CRADD: variants seen among roughly 807,000 people sequenced by gnomAD.
CRADD encodes CARD and death domain containing adaptor protein.
In CRADD, 9 loss-of-function variants were observed where a neutral mutation model predicts 15.5. The ratio of observed to expected loss-of-function variants is 0.58; its 90% CI spans 0.35 to 1.01. The LOEUF (loss-of-function observed/expected upper bound fraction) is 1.01, where lower values mean the gene tolerates loss of function less well. Among genes scored for constraint, CRADD ranks in the 50% least tolerant of loss-of-function variants. CRADD has a pLI of 0.02. For synonymous variants in CRADD, 118 were observed against 107.6 expected (o/e 1.10, Z -0.60); for missense variants, 227 against 250.3 (o/e 0.91, Z 0.63).
chr12:93,683,276 C>T (rs1432262499), intron 2 of CRADD, among the ~76,000 whole-genome samples: 2 of 152,216 alleles, frequency 1.3e-5, no homozygotes, highest in Non-Finnish European at 2.9e-5. Flanking sequence ...ACTGTGTTGG[C>T]CCTGGCTGTG....
At chr12:93,759,309 G>A (rs896784385) in intron 2 of CRADD, among the ~76,000 whole-genome samples, 2 of 151,866 alleles carry the variant, frequency 1.3e-5, no homozygotes, top group Admixed American at 1.3e-4. Context: ...ACCAATTTAT[G>A]GTAAAATTAT....
At chr12:93,741,596 CTG>C (rs1366544467) in intron 2 of CRADD, among the ~76,000 whole-genome samples, 2 of 152,170 alleles carry the variant, frequency 1.3e-5, no homozygotes, top group Non-Finnish European at 2.9e-5. Context: ...GGAATACACT[CTG>C]TGCTGAAGAC....
chr12:93,837,807 A>G (rs1957991807), intron 2 of CRADD: 1 of 152,242 alleles, frequency 6.6e-6, no homozygotes, highest in Admixed American at 6.5e-5. Flanking sequence ...TTTACAAAGA[A>G]GAAAGCAGTC....
chr12:93,753,887 G>C (rs1193633885), intron 2 of CRADD, among the ~76,000 whole-genome samples: 1 of 152,218 alleles, frequency 6.6e-6, no homozygotes, highest in Non-Finnish European at 1.5e-5. Context: ...CTGGGGTCTG[G>C]AGGGCGTGGC....
chr12:93,787,128 A>ATT (rs11315592), intron 2 of CRADD, among the ~76,000 whole-genome samples: 68 of 107,698 alleles, frequency 6.3e-4, no homozygotes, highest in South Asian at 1.7e-3. Context: ...TCTGCTGAAG[A>ATT]TTTTTTTTTT....
chr12:93,808,578 C>T (rs1464912274), intron 2 of CRADD, among the ~76,000 whole-genome samples: 1 of 152,056 alleles, frequency 6.6e-6, no homozygotes, highest in Non-Finnish European at 1.5e-5. Flanking sequence ...AGCACTGTGC[C>T]CACCCAGTTT....
intron 2 of CRADD, among the ~76,000 whole-genome samples, chr12:93,782,699 T>C (rs999822760): frequency 4.6e-5 from 7 of 152,144 alleles, no homozygotes; most frequent in Non-Finnish European, 8.8e-5. Flanking sequence ...ATGCCTTTTT[T>C]TTTAAACAGG....
At position 93,846,598 on chromosome 12, in the gene CRADD, A is replaced by G. The variant is rs1038805182; in HGVS notation, c.299-3372A>G. ...AAAACCAGAACACACACACACACAC[A>G]CACACACACACACACACACACACAC... On this transcript the variant is annotated intron_variant, in intron 2 of 2. Coordinates refer to ENST00000332896, the MANE Select transcript of CRADD (RefSeq NM_003805.5). 34 of 143,282 alleles carry G rather than the reference A, an allele frequency of 2.4e-4. No homozygotes were observed. In the East Asian group the frequency reaches 3.8e-3, roughly 16 times the overall value. 8.9% of individuals were successfully genotyped at this position (143,282 alleles called of 1,614,324 possible).
chr12:93,820,052 A>G (rs1386195437), intron 2 of CRADD, among the ~76,000 whole-genome samples: 5 of 152,184 alleles, frequency 3.3e-5, no homozygotes, highest in Non-Finnish European at 7.3e-5. Context: ...CCACCCAGTC[A>G]TTCAAGGTAG....
At chr12:93,734,952 T>G (rs973551499) in intron 2 of CRADD, among the ~76,000 whole-genome samples, 1 of 152,172 alleles carries the variant, frequency 6.6e-6, no homozygotes, top group South Asian at 2.1e-4. Flanking sequence ...CATATGTGCT[T>G]TCTCATAGCA....
At chr12:93,724,285 G>A (rs934302460) in intron 2 of CRADD, among the ~76,000 whole-genome samples, 8 of 151,642 alleles carry the variant, frequency 5.3e-5, no homozygotes, top group Admixed American at 3.9e-4. Flanking sequence ...AGGCTGAGGC[G>A]AGAGGATCCC....
At chr12:93,826,360 G>C (rs1166740921) in intron 2 of CRADD, among the ~76,000 whole-genome samples, 1 of 152,230 alleles carries the variant, frequency 6.6e-6, no homozygotes, top group African/African-American at 2.4e-5. Flanking sequence ...TCTTTTTGTT[G>C]TTCCAAGGGA....
intron 2 of CRADD, among the ~76,000 whole-genome samples, chr12:93,810,549 CTCAAAAAA>C (rs1957611796): frequency 3.4e-5 from 1 of 29,480 alleles, no homozygotes; most frequent in Non-Finnish European, 5.9e-5. Flanking sequence ...GCAAATCAGT[CTCAAAAAA>C]AAAAAAAAAA....
chr12:93,737,684 G>A (rs963523402), intron 2 of CRADD: 1 of 152,218 alleles, frequency 6.6e-6, no homozygotes, highest in Non-Finnish European at 1.5e-5. Flanking sequence ...GAAGAAAAGT[G>A]GAGGGTGGCC....
intron 2 of CRADD, among the ~76,000 whole-genome samples, chr12:93,805,476 A>T (rs989567080): frequency 6.6e-6 from 1 of 151,502 alleles, no homozygotes; most frequent in East Asian, 1.9e-4. Flanking sequence ...CTTTTTCTTT[A>T]TTTTTTTGAG....
rs1319661047 is a variant in CRADD, at chr12:93,678,941, T to C, written c.167T>C (p.Leu56Pro). 2.5e-6 allele frequency: 4 copies of C among 1,614,008 alleles called. No individual in the cohort carries two copies. Among genetic ancestry groups the C allele is most frequent in the Non-Finnish European group, 3.4e-6 (4 of 1,180,012 alleles). ...AQTTGLRKTMLLLDILPSRGP... is the reference protein window; with the variant it reads ...AQTTGLRKTMPLLDILPSRGP... ...ACCACAGGCCTCCGGAAAACAATGC[T>C]CCTGCTGGATATCCTACCTTCCAGG... Residue 56 changes from leucine to proline, a missense_variant, in exon 2 of 3, where the codon CTC (leucine) becomes CCC (proline). Physicochemically the swap from Leu to Pro is moderately conservative, Grantham distance 98. Coordinates refer to ENST00000332896, the MANE Select transcript of CRADD (RefSeq NM_003805.5).
intron 2 of CRADD, among the ~76,000 whole-genome samples, chr12:93,838,214 GT>G (rs66564800): frequency 0.16 from 20,805 of 130,434 alleles, 1,091 homozygotes; most frequent in Middle Eastern, 0.22. Context: ...TCCTTTTGAG[GT>G]TTTTTTTTTT....
intron 2 of CRADD, 36 bp downstream of exon 2, chr12:93,679,108 A>G: frequency 1.3e-6 from 2 of 1,530,004 alleles, no homozygotes; most frequent in East Asian, 2.3e-5. Flanking sequence ...ACCAGCTCCA[A>G]AATGTTGTAA....
intron 2 of CRADD, among the ~76,000 whole-genome samples, chr12:93,825,390 T>C (rs147535186): frequency 2.6e-5 from 4 of 152,318 alleles, no homozygotes; most frequent in African/African-American, 9.6e-5. Context: ...TCTCCAAATA[T>C]TAGTGACCCC....
Sources: allele counts gnomAD v4.1 joint callset (sites outside exome capture counted in the v4.1 genomes callset), GRCh38; gene constraint gnomAD v4.1.1; transcripts MANE v1.5; gene names NCBI Gene and HGNC (gene_info 2026-07-23, HGNC 2026-07-21).